Variants in MYO1E observed in about 807,000 individuals in gnomAD.
The protein encoded by MYO1E is unconventional myosin-Ie.
In MYO1E, 68 loss-of-function variants were observed where a neutral mutation model predicts 151.1. The observed-to-expected ratio is 0.45, with a 90% CI of 0.37 to 0.55. The LOEUF (loss-of-function observed/expected upper bound fraction) is 0.55. Among genes scored for constraint, MYO1E ranks in the 20% least tolerant of loss-of-function variants. The pLI, the probability that MYO1E is intolerant of heterozygous loss-of-function variation, is 0.00. For synonymous variants in MYO1E, 601 were observed against 501.7 expected (o/e 1.20, Z -2.64); for missense variants, 1,363 against 1,389.3 (o/e 0.98, Z 0.30).
At chr15:59,329,936 T>C (rs955336113) in intron 1 of MYO1E, among the ~76,000 whole-genome samples, 1 of 152,228 alleles carries the variant, frequency 6.6e-6, no homozygotes, top group Non-Finnish European at 1.5e-5. Flanking sequence ...CCCAGTCAGA[T>C]TATCTCAGTA....
intron 24 of MYO1E, 91 bp downstream of exon 24, chr15:59,160,982 C>A: frequency 1.3e-6 from 2 of 1,524,238 alleles, no homozygotes; most frequent in Non-Finnish European, 9.0e-7. Flanking sequence ...TGATTCTCAG[C>A]CCCCACATCT....
chr15:59,340,297 ACAC>A (rs2080757437), intron 1 of MYO1E, among the ~76,000 whole-genome samples: 1 of 152,070 alleles, frequency 6.6e-6, no homozygotes, highest in African/African-American at 2.4e-5. Flanking sequence ...ATGACAAGCG[ACAC>A]CTTGTCTCAA....
At chr15:59,144,843 G>A (rs2079432007) in intron 26 of MYO1E, among the ~76,000 whole-genome samples, 1 of 151,184 alleles carries the variant, frequency 6.6e-6, no homozygotes, top group African/African-American at 2.5e-5. Context: ...AAGAAAGAAT[G>A]ACTTTTTGTT....
intron 1 of MYO1E, among the ~76,000 whole-genome samples, chr15:59,280,705 A>G (rs1361006324): frequency 6.6e-6 from 1 of 151,870 alleles, no homozygotes; most frequent in Non-Finnish European, 1.5e-5. Context: ...TCAATACTGT[A>G]AATAAAATAA....
chr15:59,238,658 A>G (rs993556541), intron 4 of MYO1E, among the ~76,000 whole-genome samples: 6 of 151,920 alleles, frequency 3.9e-5, no homozygotes, highest in African/African-American at 1.2e-4. Flanking sequence ...TGCAATCTCT[A>G]CCTCCTAGGT....
chr15:59,320,205 A>T (rs1401168360), intron 1 of MYO1E, among the ~76,000 whole-genome samples: 1 of 152,238 alleles, frequency 6.6e-6, no homozygotes, highest in Non-Finnish European at 1.5e-5. Context: ...TTCCATGCTC[A>T]TCCATTGGAA....
chr15:59,310,308 A>G (rs1395168914), intron 1 of MYO1E, among the ~76,000 whole-genome samples: 4 of 152,230 alleles, frequency 2.6e-5, no homozygotes, highest in African/African-American at 9.6e-5. Context: ...GCCTCCAAAA[A>G]AGACATGTTG....
Position 59,178,373 on chromosome 15 carries a change from A to G in MYO1E, c.2049+20T>C, listed in dbSNP as rs2079638068. The G allele has an allele frequency of 6.2e-7, 1 of 1,613,666 alleles. No homozygotes were observed. The highest frequency in any genetic ancestry group is 1.3e-5 in the African/African-American group (1 of 74,944). On this transcript the variant is annotated intron_variant, in intron 19 of 27. Coordinates refer to ENST00000288235, the MANE Select transcript of MYO1E (RefSeq NM_004998.4). ...GGCCCCGCGGGAGGGAAGAGAGTGG[A>G]GAGCCAGCCAAGCACTCACAGACTC...
At chr15:59,282,145 C>T (rs993927167) in intron 1 of MYO1E, among the ~76,000 whole-genome samples, 4 of 152,170 alleles carry the variant, frequency 2.6e-5, no homozygotes, top group East Asian at 1.9e-4. Flanking sequence ...AACTTCTGTT[C>T]GATTTCCCAA....
At chr15:59,213,915 CACAG>C (rs1387106086) in intron 12 of MYO1E, among the ~76,000 whole-genome samples, 4 of 152,288 alleles carry the variant, frequency 2.6e-5, no homozygotes, top group Non-Finnish European at 5.9e-5. Flanking sequence ...CAATATTTGC[CACAG>C]ACAGTCGGGG....
At chr15:59,363,964 A>T (rs1280925420) in intron 1 of MYO1E, among the ~76,000 whole-genome samples, 1 of 151,942 alleles carries the variant, frequency 6.6e-6, no homozygotes, top group Admixed American at 6.6e-5. Flanking sequence ...TTTAGTAGAG[A>T]CGGGGGTTTT....
At chr15:59,138,147 T>C (rs764916166) in intron 27 of MYO1E, 51 bp downstream of exon 27, 1 of 1,593,718 alleles carries the variant, frequency 6.3e-7, no homozygotes, top group East Asian at 2.2e-5. Flanking sequence ...TACAGCAATG[T>C]GACTGCATGC....
At chr15:59,180,605 GC>G (rs763051226) in intron 18 of MYO1E, among the ~76,000 whole-genome samples, 3 of 151,396 alleles carry the variant, frequency 2.0e-5, no homozygotes, top group South Asian at 2.1e-4. Flanking sequence ...TCCTGACAAG[GC>G]CTCCAGTGTT....
intron 1 of MYO1E, among the ~76,000 whole-genome samples, chr15:59,364,978 T>C (rs1342666680): frequency 6.6e-6 from 1 of 151,982 alleles, no homozygotes; most frequent in Non-Finnish European, 1.5e-5. Context: ...ACAAAAATAA[T>C]TACTGTGTTA....
At chr15:59,322,673 G>T (rs1450171615) in intron 1 of MYO1E, among the ~76,000 whole-genome samples, 1 of 152,204 alleles carries the variant, frequency 6.6e-6, no homozygotes, top group East Asian at 1.9e-4. Context: ...CAGAGGGAAA[G>T]TGAAATCTAA....
intron 17 of MYO1E, among the ~76,000 whole-genome samples, chr15:59,188,480 G>C (rs2079712698): frequency 6.6e-6 from 1 of 152,126 alleles, no homozygotes; most frequent in Non-Finnish European, 1.5e-5. Context: ...TAGATCACCT[G>C]AGGTCAGGAG....
At chr15:59,180,330 C>T (rs1380025251) in intron 18 of MYO1E, among the ~76,000 whole-genome samples, 2 of 151,966 alleles carry the variant, frequency 1.3e-5, no homozygotes, top group African/African-American at 2.4e-5. Context: ...TGAGTAGGTG[C>T]TAGGAATCTA....
At chr15:59,213,535 A>G (rs137931339) in intron 12 of MYO1E, among the ~76,000 whole-genome samples, 21 of 151,984 alleles carry the variant, frequency 1.4e-4, no homozygotes, top group African/African-American at 4.8e-4. Flanking sequence ...GTGTGATGAT[A>G]TAAGCCTCGA....
chr15:59,321,212 A>C (rs1254175448), intron 1 of MYO1E, among the ~76,000 whole-genome samples: 5 of 152,242 alleles, frequency 3.3e-5, no homozygotes, highest in African/African-American at 1.2e-4. Flanking sequence ...GAGAAAAGAG[A>C]ACAATTACAC....
Sources: allele counts gnomAD v4.1 joint callset (sites outside exome capture counted in the v4.1 genomes callset), GRCh38; gene constraint gnomAD v4.1.1; transcripts MANE v1.5; gene names NCBI Gene and HGNC (gene_info 2026-07-23, HGNC 2026-07-21).